Variants in CDK14 observed in about 807,000 individuals in gnomAD.
CDK14 encodes the protein cyclin dependent kinase 14, also known as cyclin-dependent kinase 14.
CDK14 carries 34 observed loss-of-function variants against 60.7 expected under a neutral mutation model. That is an observed-to-expected ratio of 0.56 (90% CI 0.43 to 0.75). CDK14 has a LOEUF of 0.75. CDK14 is among the 30% of genes least tolerant of loss of function. The probability of loss-of-function intolerance (pLI) is 0.00; values close to 1 mark genes in which losing one functional copy is unlikely to be tolerated. For synonymous variants in CDK14, 197 were observed against 203.7 expected, an observed-to-expected ratio of 0.97 and a Z score of 0.28; for missense variants, 482 against 564.1, an observed-to-expected ratio of 0.85 and a Z score of 1.47.
intron 2 of CDK14, among the ~76,000 whole-genome samples, chr7:90,663,685 G>T (rs1029104975): frequency 5.3e-5 from 8 of 152,102 alleles, no homozygotes; most frequent in Admixed American, 3.9e-4. Context: ...AACAAAAACA[G>T]ATTTTTCTTC....
intron 9 of CDK14, among the ~76,000 whole-genome samples, chr7:90,975,113 G>C (rs545471168): frequency 3.3e-5 from 5 of 152,148 alleles, no homozygotes; most frequent in Non-Finnish European, 7.4e-5. Context: ...CATAGCCTGA[G>C]AGATCAGAAG....
chr7:91,035,859 C>T (rs1256918430), intron 10 of CDK14, among the ~76,000 whole-genome samples: 9 of 95,496 alleles, frequency 9.4e-5, no homozygotes, highest in Middle Eastern at 0.011. Context: ...TTTTTTGAGA[C>T]GGAGTCTCGC....
At chr7:91,139,416 A>G (rs1800376936) in intron 14 of CDK14, among the ~76,000 whole-genome samples, 1 of 152,132 alleles carries the variant, frequency 6.6e-6, no homozygotes, top group South Asian at 2.1e-4. Flanking sequence ...AATAAAATGC[A>G]TTTTTTCTAG....
chr7:90,747,575 T>C (rs1803645958), intron 3 of CDK14, 106 bp from the exon 4 acceptor site: 8 of 665,508 alleles, frequency 1.2e-5, no homozygotes, highest in Non-Finnish European at 2.1e-5. Context: ...AAAAAACAGT[T>C]ATTTAAAAAG....
intron 4 of CDK14, among the ~76,000 whole-genome samples, chr7:90,785,781 C>G (rs920736503): frequency 2.0e-5 from 2 of 100,386 alleles, no homozygotes; most frequent in Non-Finnish European, 3.9e-5. Context: ...AGTGAGACTC[C>G]GTCTCAAAAA....
chr7:91,170,089 T>C (rs1459961806), intron 14 of CDK14, among the ~76,000 whole-genome samples: 2 of 152,216 alleles, frequency 1.3e-5, no homozygotes, highest in Non-Finnish European at 2.9e-5. Context: ...TGAGGTCTTT[T>C]ATCTAGATAA....
intron 4 of CDK14, among the ~76,000 whole-genome samples, chr7:90,750,609 A>C (rs553052062): frequency 1.3e-5 from 2 of 152,340 alleles, no homozygotes; most frequent in African/African-American, 4.8e-5. Context: ...GTGGTGGCTC[A>C]CACTTGTAAT....
intron 12 of CDK14, among the ~76,000 whole-genome samples, chr7:91,101,148 G>A (rs1305267840): frequency 5.3e-5 from 8 of 152,182 alleles, no homozygotes; most frequent in Admixed American, 2.0e-4. Flanking sequence ...GAGAAATATG[G>A]AAAAATGTAA....
intron 2 of CDK14, among the ~76,000 whole-genome samples, chr7:90,633,387 A>C (rs937492543): frequency 7.9e-5 from 12 of 152,154 alleles, no homozygotes; most frequent in African/African-American, 2.9e-4. Context: ...CTCATGGTAA[A>C]ATTTCTTAGA....
intron 3 of CDK14, among the ~76,000 whole-genome samples, chr7:90,728,825 G>T (rs1802738008): frequency 6.6e-6 from 1 of 152,066 alleles, no homozygotes; most frequent in Non-Finnish European, 1.5e-5. Flanking sequence ...GTTGGCTTCA[G>T]CATAGGGACT....
intron 9 of CDK14, among the ~76,000 whole-genome samples, chr7:90,976,157 T>C (rs931078802): frequency 6.6e-6 from 1 of 152,176 alleles, no homozygotes; most frequent in Non-Finnish European, 1.5e-5. Context: ...ATATAAGAGT[T>C]CCCTTTTCTC....
At chr7:90,709,840 T>C (rs1801997268) in intron 2 of CDK14, 1 of 1,399,742 alleles carries the variant, frequency 7.1e-7, no homozygotes, top group South Asian at 1.6e-5. Context: ...TTCAGCTTGC[T>C]AGTGCAGAAA....
At chr7:90,606,925 A>C (rs1010650101) in intron 2 of CDK14, among the ~76,000 whole-genome samples, 6 of 152,190 alleles carry the variant, frequency 3.9e-5, no homozygotes, top group Non-Finnish European at 1.5e-5. Flanking sequence ...ATGATCTTCA[A>C]GTTGCCTCTT....
chr7:90,681,713 T>C (rs563811746), intron 2 of CDK14, among the ~76,000 whole-genome samples: 2 of 152,302 alleles, frequency 1.3e-5, no homozygotes, highest in East Asian at 1.9e-4. Context: ...GACTCAAATG[T>C]AGGAGAGACA....
chr7:90,866,633 T>TC (rs1791202759), intron 6 of CDK14, among the ~76,000 whole-genome samples: 1 of 152,214 alleles, frequency 6.6e-6, no homozygotes, highest in East Asian at 1.9e-4. Context: ...GAAGGATTCT[T>TC]ATTTATAATA....
At chr7:90,740,249 G>A (rs1052649610) in intron 3 of CDK14, among the ~76,000 whole-genome samples, 5 of 106,684 alleles carry the variant, frequency 4.7e-5, no homozygotes, top group Non-Finnish European at 9.4e-5. Context: ...ATGTATGTGT[G>A]TGTGTATATA....
rs34988910 is a variant in CDK14, at chr7:90,752,287, TA to T, written c.464+4523del. On this transcript the variant is annotated intron_variant, in intron 4 of 14. Coordinates refer to ENST00000380050, the MANE Select transcript of CDK14 (RefSeq NM_001287135.2). ...AGTCATAAAGCAAGTCTCAGTAAAT[TA>T]AAAAAAAAAATCAAAGTCATACCAT... Among the ~76,000 whole-genome samples, 40 of 149,380 alleles carry T rather than the reference TA, an allele frequency of 2.7e-4. 2 individuals carry two copies. Among genetic ancestry groups the T allele is most frequent in the South Asian group, 1.7e-3 (8 of 4,732 alleles).
intron 6 of CDK14, 95 bp from the exon 7 acceptor site, chr7:90,899,196 G>T: frequency 3.1e-6 from 3 of 983,454 alleles, no homozygotes; most frequent in South Asian, 3.3e-5. Flanking sequence ...TATTTGCTCT[G>T]TTCAGAAGGT....
At chr7:91,041,209 C>G (rs569023236) in intron 10 of CDK14, among the ~76,000 whole-genome samples, 2 of 148,056 alleles carry the variant, frequency 1.4e-5, no homozygotes, top group African/African-American at 5.0e-5. Flanking sequence ...GTTAAATAGT[C>G]TAAGAAATCA....
Sources: gnomAD v4.1 joint callset for allele counts (sites outside exome capture counted in the v4.1 genomes callset) on GRCh38, gnomAD v4.1.1 for gene constraint, MANE v1.5 for transcripts, NCBI Gene and HGNC (gene_info 2026-07-23, HGNC 2026-07-21) for gene names.